ARMH1: variants seen among roughly 807,000 people sequenced by gnomAD.
ARMH1 encodes the protein armadillo like helical domain containing 1.
In ARMH1, 34 loss-of-function variants were observed where a neutral mutation model predicts 50.2. The observed-to-expected ratio is 0.68, with a 90% CI of 0.51 to 0.90. ARMH1 has a LOEUF of 0.90. Ranked by LOEUF, ARMH1 falls within the 40% of genes least tolerant of loss-of-function variation. ARMH1 has a pLI of 0.00. For missense variants in ARMH1, 538 were observed against 553.9 expected, an observed-to-expected ratio of 0.97 and a Z score of 0.29; for synonymous variants, 221 against 224.2, an observed-to-expected ratio of 0.99 and a Z score of 0.13.
intron 6 of ARMH1, among the ~76,000 whole-genome samples, chr1:44,719,757 G>C (rs992614203): frequency 1.3e-5 from 2 of 152,140 alleles, no homozygotes; most frequent in Non-Finnish European, 2.9e-5. Flanking sequence ...ATCTCACCAG[G>C]TGCCCTGTGT....
chr1:44,675,523 C>A (rs1418480945), intron 1 of ARMH1, among the ~76,000 whole-genome samples: 3 of 152,002 alleles, frequency 2.0e-5, no homozygotes, highest in African/African-American at 7.3e-5. Flanking sequence ...ATTAGCCAGG[C>A]ATGGTAGCGC....
intron 6 of ARMH1, among the ~76,000 whole-genome samples, chr1:44,706,286 C>T (rs1241953922): frequency 6.6e-6 from 1 of 152,108 alleles, no homozygotes; most frequent in African/African-American, 2.4e-5. Context: ...GGGTACATAG[C>T]CCCAGGAAGA....
chr1:44,676,459 G>T (rs1645144619), intron 1 of ARMH1, among the ~76,000 whole-genome samples: 1 of 152,212 alleles, frequency 6.6e-6, no homozygotes, highest in Non-Finnish European at 1.5e-5. Context: ...ACCTAGGACA[G>T]AGCCCTGAGA....
intron 6 of ARMH1, among the ~76,000 whole-genome samples, chr1:44,714,585 C>CA (rs547949743): frequency 0.057 from 4,764 of 83,460 alleles, 246 homozygotes; most frequent in African/African-American, 0.17. Context: ...AACTCCGTCT[C>CA]AAAAAAAAAA....
intron 6 of ARMH1, among the ~76,000 whole-genome samples, chr1:44,717,258 T>C (rs1206976822): frequency 6.6e-6 from 1 of 152,190 alleles, no homozygotes; most frequent in East Asian, 1.9e-4. Context: ...CTGTATCGGG[T>C]TGTTGGCACA....
At chr1:44,691,733 TC>T (rs1448452514) in intron 2 of ARMH1, among the ~76,000 whole-genome samples, 3 of 152,198 alleles carry the variant, frequency 2.0e-5, no homozygotes, top group African/African-American at 7.2e-5. Flanking sequence ...TACCTATATA[TC>T]CAACTATTCC....
rs1009268149 is a variant in ARMH1, at chr1:44,681,198, T to C, written c.-23+6325T>C. Reference sequence around the variant, plus strand: ...TTTTAGTAGAGAGGGGGTTTCACCGTGTTAGCCAGGATGGTCTCGATCTCC... The same window carrying C: ...TTTTAGTAGAGAGGGGGTTTCACCGCGTTAGCCAGGATGGTCTCGATCTCC... On this transcript the variant is annotated intron_variant, in intron 1 of 11. Coordinates refer to ENST00000535358, the MANE Select transcript of ARMH1 (RefSeq NM_001145636.2). This position sits in a 1 kb window ranked among gnomAD's most constrained non-coding sequence, Gnocchi z 4.3. 3.3e-4 allele frequency among the ~76,000 whole-genome samples: 50 copies of C among 151,952 alleles called. No individual in the cohort carries two copies. The highest frequency in any genetic ancestry group is 2.7e-3 in the Admixed American group (41 of 15,250).
chr1:44,713,605 G>A (rs751160616), intron 6 of ARMH1, among the ~76,000 whole-genome samples: 8 of 152,142 alleles, frequency 5.3e-5, no homozygotes, highest in African/African-American at 1.4e-4. Context: ...TTTATTCAGC[G>A]TTTATAAAAG....
chr1:44,699,485 T>C (rs1037595240), intron 4 of ARMH1, among the ~76,000 whole-genome samples: 2 of 152,148 alleles, frequency 1.3e-5, no homozygotes, highest in African/African-American at 4.8e-5. Context: ...AGTCTCACTC[T>C]ATCGCCCAGG....
intron 6 of ARMH1, chr1:44,722,000 A>C (rs1405617011): frequency 1.3e-5 from 2 of 152,200 alleles, no homozygotes; most frequent in Admixed American, 1.3e-4. Flanking sequence ...CTTCCACTGT[A>C]GAAAAGTGTC....
intron 1 of ARMH1, among the ~76,000 whole-genome samples, chr1:44,680,924 C>T (rs538160205): frequency 1.3e-5 from 2 of 151,926 alleles, no homozygotes; most frequent in East Asian, 1.9e-4. Context: ...ATATCATCAG[C>T]GTCTTTGTCA....
intron 6 of ARMH1, among the ~76,000 whole-genome samples, chr1:44,712,467 T>G (rs1325926152): frequency 1.4e-5 from 2 of 145,302 alleles, no homozygotes; most frequent in Non-Finnish European, 3.0e-5. Flanking sequence ...AAACTCTGTC[T>G]CTACTAAAAC....
intron 2 of ARMH1, among the ~76,000 whole-genome samples, chr1:44,696,089 A>G (rs59931795): frequency 0.016 from 2,437 of 152,252 alleles, 71 homozygotes; most frequent in African/African-American, 0.056. Context: ...GGTGGGGACA[A>G]TGTAGGAATA....
At chr1:44,687,854 T>A (rs919816279) in intron 1 of ARMH1, among the ~76,000 whole-genome samples, 1 of 152,152 alleles carries the variant, frequency 6.6e-6, no homozygotes, top group Non-Finnish European at 1.5e-5. Context: ...CAAGGAAACA[T>A]TGAGGAGCCG....
intron 2 of ARMH1, among the ~76,000 whole-genome samples, chr1:44,694,053 A>G (rs1422348761): frequency 6.6e-6 from 1 of 152,218 alleles, no homozygotes; most frequent in East Asian, 1.9e-4. Flanking sequence ...TTATTACATT[A>G]GGCATTACAT....
At chr1:44,725,259 CA>C (rs1235987913) in intron 11 of ARMH1, 31 bp from the exon 12 acceptor site, 1 of 1,551,802 alleles carries the variant, frequency 6.4e-7, no homozygotes, top group Admixed American at 2.0e-5. Flanking sequence ...GCGCCGCCAG[CA>C]CAGCCTCACG....
chr1:44,721,729 AC>A (rs904030842), intron 6 of ARMH1: 34 of 151,942 alleles, frequency 2.2e-4, no homozygotes, highest in Admixed American at 5.9e-4. Flanking sequence ...AGCTACCCCA[AC>A]CTCCCAAAGC....
Position 44,725,571 on chromosome 1 carries a change from T to C in ARMH1, c.*168T>C. ...AGAGCCGCTGGCTGCGAAGAGTCAA[T>C]AAACAGCCTTGATACCTGTCTGTTC... On this transcript the variant is annotated 3_prime_UTR_variant, in exon 12 of 12. Coordinates refer to ENST00000535358, the MANE Select transcript of ARMH1 (RefSeq NM_001145636.2). 1.5e-6 allele frequency: 1 copy of C among 667,312 alleles called. No individual in the cohort carries two copies. The highest frequency in any genetic ancestry group is 2.6e-6 in the Non-Finnish European group (1 of 382,106). The allele number at this position is 667,312 out of a possible 1,614,324, so 41.3% of individuals were successfully genotyped here.
chr1:44,704,099 G>C lies in ARMH1; in HGVS notation c.650G>C (p.Gly217Ala), dbSNP rs1405626567. 2 of 1,550,732 alleles carry C rather than the reference G, an allele frequency of 1.3e-6. No individual in the cohort carries two copies. Among genetic ancestry groups the C allele is most frequent in the East Asian group, 4.9e-5 (2 of 40,902 alleles). Reference protein sequence around the residue: ...QTLRTAQPIIGTTHPSIVDCV... With the variant: ...QTLRTAQPIIATTHPSIVDCV... The stretch of plus-strand genomic sequence containing the variant: ...TGTCTGTCTGGTCAGCCAATCATTG[G>C]GACCACACACCCCAGCATCGTGGAC... Residue 217 changes from glycine (G) to alanine (A), a missense_variant, in exon 6 of 12, where the codon GGG (glycine) becomes GCG (alanine). Coordinates refer to ENST00000535358, the MANE Select transcript of ARMH1 (RefSeq NM_001145636.2).
Sources: allele counts gnomAD v4.1 joint callset (sites outside exome capture counted in the v4.1 genomes callset), GRCh38; gene constraint gnomAD v4.1.1; non-coding constraint Gnocchi (gnomAD v3.1); transcripts MANE v1.5; gene names NCBI Gene and HGNC (gene_info 2026-07-23, HGNC 2026-07-21).